PKIA: variants seen among roughly 807,000 people sequenced by gnomAD.
The protein encoded by PKIA is PKI-alpha.
A neutral mutation model predicts 7.6 loss-of-function variants in PKIA; 4 were observed. That is an observed-to-expected ratio of 0.52 (90% confidence interval 0.26 to 1.20). The LOEUF (loss-of-function observed/expected upper bound fraction) is 1.20, where lower values mean the gene tolerates loss of function less well. Among genes scored for constraint, PKIA ranks in the 50% most tolerant of loss-of-function variants. PKIA has a pLI of 0.13. For synonymous variants in PKIA, 21 were observed against 30.7 expected (o/e 0.68, Z 1.04); for missense variants, 73 against 86.2 (o/e 0.85, Z 0.61).
intron 2 of PKIA, among the ~76,000 whole-genome samples, chr8:78,591,467 T>C (rs965549623): frequency 6.6e-6 from 1 of 152,118 alleles, no homozygotes; most frequent in Non-Finnish European, 1.5e-5. Context: ...TATAAAGAAT[T>C]TGTAGAGCAG....
At chr8:78,596,075 G>A (rs543556165) in intron 2 of PKIA, among the ~76,000 whole-genome samples, 4 of 152,186 alleles carry the variant, frequency 2.6e-5, no homozygotes, top group African/African-American at 4.8e-5. Flanking sequence ...ACTGGTGTGA[G>A]GTGGTATCTC....
At chr8:78,536,668 T>C (rs1315589692) in intron 1 of PKIA, among the ~76,000 whole-genome samples, 1 of 152,072 alleles carries the variant, frequency 6.6e-6, no homozygotes, top group Non-Finnish European at 1.5e-5. Flanking sequence ...CAAAAAGCTG[T>C]GTATCTTCTT....
intron 2 of PKIA, among the ~76,000 whole-genome samples, chr8:78,585,700 G>T (rs1585921671): frequency 6.6e-6 from 1 of 152,060 alleles, no homozygotes; most frequent in East Asian, 1.9e-4. Context: ...TTGAAAAGAG[G>T]CATATTAAAG....
In PKIA at chr8:78,529,152, A is replaced by G. The variant is rs556691459; in HGVS notation, c.-157+12684A>G. On this transcript the variant is annotated intron_variant, in intron 1 of 3. Transcript: ENST00000396418. ...TACAGATATGGATATTAACAAAATG[A>G]TTTATTTTAGAACATCATTTATAGC... is the stretch of plus-strand genomic sequence containing the variant. Among the ~76,000 whole-genome samples, 9 of 152,198 alleles carry G rather than the reference A, an allele frequency of 5.9e-5. No individual in the cohort carries two copies. The South Asian group carries it at 1.9e-3, about 32-fold the overall frequency.
chr8:78,568,943 C>T (rs1006082591), intron 1 of PKIA, among the ~76,000 whole-genome samples: 9 of 152,098 alleles, frequency 5.9e-5, no homozygotes, highest in Non-Finnish European at 1.2e-4. Flanking sequence ...GTTCCCCCAC[C>T]AGAGTTGTTG....
intron 2 of PKIA, among the ~76,000 whole-genome samples, chr8:78,592,546 A>G (rs1808127330): frequency 6.6e-6 from 1 of 152,166 alleles, no homozygotes. Flanking sequence ...TCTTTCATTC[A>G]ATTGAAATGA....
chr8:78,602,132 C>T lies in PKIA; in HGVS notation c.*311C>T, dbSNP rs1808363161. 1 of 267,184 alleles carries T rather than the reference C, an allele frequency of 3.7e-6. No individual in the cohort carries two copies. Among genetic ancestry groups the T allele is most frequent in the Non-Finnish European group, 7.0e-6 (1 of 142,920 alleles). The allele number at this position is 267,184 out of a possible 1,614,324, so 16.6% of individuals were successfully genotyped here. Reference sequence around the variant, plus strand: ...AGCTCCGACCTAGATGATGATTCTTCCTGTAGCATCTGGCCCCTCACAATG... The same window carrying T: ...AGCTCCGACCTAGATGATGATTCTTTCTGTAGCATCTGGCCCCTCACAATG... On this transcript the variant is annotated 3_prime_UTR_variant, in exon 4 of 4. Transcript: ENST00000396418.
intron 1 of PKIA, among the ~76,000 whole-genome samples, chr8:78,570,408 C>G (rs1375052726): frequency 2.0e-5 from 3 of 152,114 alleles, no homozygotes; most frequent in Non-Finnish European, 4.4e-5. Flanking sequence ...TGAAAGCAAA[C>G]AACTGCCATG....
chr8:78,586,859 C>T (rs1256897958), intron 2 of PKIA, among the ~76,000 whole-genome samples: 1 of 152,132 alleles, frequency 6.6e-6, no homozygotes, highest in African/African-American at 2.4e-5. Flanking sequence ...ACTATTTCAT[C>T]TTTTAAAGTG....
chr8:78,526,982 A>T (rs1806252132), intron 1 of PKIA, among the ~76,000 whole-genome samples: 1 of 152,042 alleles, frequency 6.6e-6, no homozygotes, highest in Non-Finnish European at 1.5e-5. Context: ...AAGTACAAAA[A>T]CTGTGTAGGA....
chr8:78,565,562 T>TAGTTAG (rs1807387239), intron 1 of PKIA, among the ~76,000 whole-genome samples: 2 of 151,998 alleles, frequency 1.3e-5, no homozygotes, highest in African/African-American at 2.4e-5. Flanking sequence ...ATTATTTGCA[T>TAGTTAG]AGTTAGAAGC....
chr8:78,545,277 A>C (rs1806793420), intron 1 of PKIA, among the ~76,000 whole-genome samples: 1 of 152,176 alleles, frequency 6.6e-6, no homozygotes, highest in Non-Finnish European at 1.5e-5. Context: ...GACACCTAGC[A>C]AGCAAAATCA....
chr8:78,588,187 G>A (rs2130238911), intron 2 of PKIA, among the ~76,000 whole-genome samples: 1 of 152,282 alleles, frequency 6.6e-6, no homozygotes, highest in Non-Finnish European at 1.5e-5. Flanking sequence ...ATAAGAACTG[G>A]TTGAGAAGAC....
chr8:78,572,530 A>T (rs2118560097), intron 1 of PKIA, among the ~76,000 whole-genome samples: 1 of 143,762 alleles, frequency 7.0e-6, no homozygotes. Context: ...CCATCACAAA[A>T]AAAGCTGCAC....
At chr8:78,558,710 A>G (rs1807211629) in intron 1 of PKIA, among the ~76,000 whole-genome samples, 1 of 151,848 alleles carries the variant, frequency 6.6e-6, no homozygotes, top group Non-Finnish European at 1.5e-5. Flanking sequence ...CAGCCAAACC[A>G]TATTAATAAT....
At chr8:78,552,445 C>A (rs1366235118) in intron 1 of PKIA, among the ~76,000 whole-genome samples, 2 of 151,738 alleles carry the variant, frequency 1.3e-5, no homozygotes, top group Non-Finnish European at 2.9e-5. Context: ...ATCATTTATG[C>A]TCCCGTGAGT....
chr8:78,589,007 G>C (rs1343534043), intron 2 of PKIA, among the ~76,000 whole-genome samples: 2 of 152,126 alleles, frequency 1.3e-5, no homozygotes, highest in Non-Finnish European at 2.9e-5. Context: ...AAGTGTTAAA[G>C]AAGTAGCTGA....
intron 3 of PKIA, 144 bp downstream of exon 3, chr8:78,598,679 G>C: frequency 1.6e-6 from 1 of 639,712 alleles, no homozygotes; most frequent in Middle Eastern, 3.6e-4. Flanking sequence ...GAAAGTCTGA[G>C]ACTAATCTCT....
At chr8:78,564,744 A>T (rs1258306279) in intron 1 of PKIA, among the ~76,000 whole-genome samples, 1 of 151,928 alleles carries the variant, frequency 6.6e-6, no homozygotes, top group Non-Finnish European at 1.5e-5. Context: ...ACAATAAGAA[A>T]ATGATTGAGT....
Sources: allele counts gnomAD v4.1 joint callset (sites outside exome capture counted in the v4.1 genomes callset), GRCh38; gene constraint gnomAD v4.1.1; transcripts MANE v1.5; gene names NCBI Gene and HGNC (gene_info 2026-07-23, HGNC 2026-07-21).